The following ARL8B variants were observed in gnomAD, a reference collection of about 807,000 sequenced individuals.
ARL8B encodes the protein ARF like GTPase 8B, also known as ADP-ribosylation factor-like protein 8B.
Under a neutral mutation model 30.6 loss-of-function variants are expected in ARL8B, and 9 were observed. The observed-to-expected ratio is 0.29, with a 90% CI of 0.18 to 0.51. ARL8B has a LOEUF of 0.51. Ranked by LOEUF, ARL8B falls within the 20% of genes least tolerant of loss-of-function variation. The probability of loss-of-function intolerance (pLI) is 0.97; values close to 1 mark genes in which losing one functional copy is unlikely to be tolerated. For missense variants in ARL8B, 130 were observed against 227.2 expected (o/e 0.57, Z 2.75); for synonymous variants, 74 against 76.0 (o/e 0.97, Z 0.14).
At chr3:5,162,136 T>G (rs924598041) in intron 1 of ARL8B, among the ~76,000 whole-genome samples, 9 of 152,356 alleles carry the variant, frequency 5.9e-5, no homozygotes, top group South Asian at 4.1e-4. Flanking sequence ...GGATCATTTG[T>G]GTAGCAGTCT....
At chr3:5,134,230 A>C (rs2054306666) in intron 1 of ARL8B, among the ~76,000 whole-genome samples, 2 of 152,184 alleles carry the variant, frequency 1.3e-5, no homozygotes, top group African/African-American at 4.8e-5. Flanking sequence ...TCGTTTTGCC[A>C]ATGTTTCGGA....
chr3:5,127,809 C>G (rs776509022), intron 1 of ARL8B, among the ~76,000 whole-genome samples: 1 of 132,996 alleles, frequency 7.5e-6, no homozygotes, highest in Non-Finnish European at 1.5e-5. Context: ...GGAGGCAGAG[C>G]TTGCAGTGAG....
chr3:5,170,753 AC>A, intron 2 of ARL8B, 170 bp downstream of exon 2: 1 of 536,622 alleles, frequency 1.9e-6, no homozygotes, highest in Non-Finnish European at 3.3e-6. Flanking sequence ...TTTTTTGGAA[AC>A]AGAGTTTTGC....
In ARL8B at chr3:5,170,561, C is replaced by T. The variant is rs1044912542; in HGVS notation, c.182C>T (p.Thr61Ile). 7.4e-6 allele frequency: 12 copies of T among 1,612,336 alleles called. No homozygotes were observed. Among genetic ancestry groups the T allele is most frequent in the Non-Finnish European group, 1.0e-5 (12 of 1,178,872 alleles). ...PTVGFNMRKV[T>I]KGNVTIKIWD... ...GTGGGCTTCAACATGAGGAAGGTAA[C>T]TAAAGGTAACGTCACAATAAAGGTA... Residue 61 changes from threonine to isoleucine, a missense_variant, in exon 2 of 7, where the codon ACT becomes ATT. Coordinates refer to ENST00000256496, the MANE Select transcript of ARL8B (RefSeq NM_018184.3).
rs372971404 is a variant in ARL8B at position 5,122,606 on chromosome 3, C to T, written c.123+18C>T. The stretch of plus-strand genomic sequence containing the variant: ...TCATCGCGGTGAGCGCCCGCCCACT[C>T]ACTCGCCCGGGGCTCCGCAGCCAGG... On this transcript the variant is annotated intron_variant, in intron 1 of 6. Transcript: ENST00000256496. 6.3e-7 allele frequency: 1 copy of T among 1,590,152 alleles called. No homozygotes were observed. The highest frequency in any genetic ancestry group is 8.6e-7 in the Non-Finnish European group (1 of 1,165,344).
chr3:5,173,444 T>C (rs2054695560), intron 4 of ARL8B, among the ~76,000 whole-genome samples: 1 of 152,188 alleles, frequency 6.6e-6, no homozygotes, highest in South Asian at 2.1e-4. Context: ...GTACTAAGAA[T>C]AGCAGAATGC....
chr3:5,177,076 A>C (rs113649627), intron 6 of ARL8B, among the ~76,000 whole-genome samples: 7 of 152,240 alleles, frequency 4.6e-5, no homozygotes, highest in African/African-American at 1.7e-4. Context: ...ATTACTCCCT[A>C]CATGTTTTCT....
intron 1 of ARL8B, among the ~76,000 whole-genome samples, chr3:5,146,794 A>G (rs1051465040): frequency 2.1e-4 from 32 of 152,272 alleles, no homozygotes; most frequent in African/African-American, 7.7e-4. Context: ...TTGGAACCTG[A>G]AATCTCTCCC....
chr3:5,165,961 C>T (rs1414630061), intron 1 of ARL8B, among the ~76,000 whole-genome samples: 2 of 152,070 alleles, frequency 1.3e-5, no homozygotes, highest in Non-Finnish European at 2.9e-5. Flanking sequence ...AGTCAGTGCA[C>T]AGTACATCTC....
intron 1 of ARL8B, among the ~76,000 whole-genome samples, chr3:5,124,557 C>G (rs965868194): frequency 2.6e-5 from 4 of 152,164 alleles, no homozygotes; most frequent in African/African-American, 9.7e-5. Flanking sequence ...CCTCCAACTC[C>G]TGGGCTTATG....
At chr3:5,130,924 C>CTTTTCTTTTTTTTCT (rs1267771141) in intron 1 of ARL8B, among the ~76,000 whole-genome samples, 1 of 152,066 alleles carries the variant, frequency 6.6e-6, no homozygotes, top group Non-Finnish European at 1.5e-5. Flanking sequence ...TTTCTTCGCT[C>CTTTTCTTTTTTTTCT]TTTTCTTTTT....
chr3:5,130,944 CT>C (rs901306207), intron 1 of ARL8B, among the ~76,000 whole-genome samples: 2 of 151,528 alleles, frequency 1.3e-5, no homozygotes, highest in East Asian at 1.9e-4. Context: ...TTTTCTTTTT[CT>C]TTTTTTGTTT....
At chr3:5,145,583 C>A (rs770641745) in intron 1 of ARL8B, among the ~76,000 whole-genome samples, 1 of 152,186 alleles carries the variant, frequency 6.6e-6, no homozygotes, top group Non-Finnish European at 1.5e-5. Context: ...TCTACTGTTA[C>A]AAACAGATGG....
At chr3:5,156,564 C>T (rs941960111) in intron 1 of ARL8B, among the ~76,000 whole-genome samples, 1 of 152,170 alleles carries the variant, frequency 6.6e-6, no homozygotes, top group Non-Finnish European at 1.5e-5. Flanking sequence ...TACAGGCACA[C>T]ACCACCATGC....
chr3:5,146,343 A>T (rs916710839), intron 1 of ARL8B, among the ~76,000 whole-genome samples: 1 of 152,312 alleles, frequency 6.6e-6, no homozygotes, highest in African/African-American at 2.4e-5. Flanking sequence ...TAGTCCTTAG[A>T]TTTTGCACCA....
intron 1 of ARL8B, among the ~76,000 whole-genome samples, chr3:5,129,753 C>T (rs190150556): frequency 6.6e-6 from 1 of 152,080 alleles, no homozygotes; most frequent in Admixed American, 6.6e-5. Flanking sequence ...TGTGGTGGCT[C>T]ACGCTTGTAA....
chr3:5,142,216 A>T (rs1241690128), intron 1 of ARL8B, among the ~76,000 whole-genome samples: 2 of 152,072 alleles, frequency 1.3e-5, no homozygotes, highest in African/African-American at 4.8e-5. Flanking sequence ...TGGAGAGCCG[A>T]GTGATTGCCA....
At position 5,174,040 on chromosome 3, in the gene ARL8B, A is replaced by G. The variant is rs1467044398; in HGVS notation, c.396A>G (p.Arg132=). 2 of 1,612,686 alleles carry G rather than the reference A, an allele frequency of 1.2e-6. No individual in the cohort carries two copies. The highest frequency in any genetic ancestry group is 1.7e-6 in the Non-Finnish European group (2 of 1,179,034). ...GIPVLVLGNK[R]DLPNALDEKQ... ...AGGTGCTAGTGCTTGGAAACAAGAG[A>G]GATCTTCCTAATGCCTTGGATGAGA... is the stretch of plus-strand genomic sequence containing the variant. The change falls in exon 5 of 7, where the codon AGA becomes AGG. Residue 132 remains arginine, a synonymous_variant. Transcript: ENST00000256496.
At chr3:5,125,564 G>A (rs1370399652) in intron 1 of ARL8B, among the ~76,000 whole-genome samples, 2 of 143,284 alleles carry the variant, frequency 1.4e-5, no homozygotes, top group African/African-American at 5.3e-5. Context: ...ACGGAGTCCC[G>A]CTGTGTTGCC....
Sources: allele counts gnomAD v4.1 joint callset (sites outside exome capture counted in the v4.1 genomes callset), GRCh38; gene constraint gnomAD v4.1.1; transcripts MANE v1.5; gene names NCBI Gene and HGNC (gene_info 2026-07-23, HGNC 2026-07-21).